Variants in GRIK2 observed in about 807,000 individuals in gnomAD.
The protein encoded by GRIK2 is glutamate ionotropic receptor kainate type subunit 2.
In GRIK2, 32 loss-of-function variants were observed where a neutral mutation model predicts 100.3. The observed-to-expected ratio is 0.32, with a 90% confidence interval of 0.24 to 0.43. The LOEUF is 0.43. Among genes scored for constraint, GRIK2 ranks in the 20% least tolerant of loss-of-function variants. GRIK2 has a pLI of 1.00. For missense variants in GRIK2, 843 were observed against 1,114.9 expected, an observed-to-expected ratio of 0.76 and a Z score of 3.47; for synonymous variants, 417 against 389.4, an observed-to-expected ratio of 1.07 and a Z score of -0.83.
chr6:101,765,059 G>C (rs549386873), intron 7 of GRIK2, among the ~76,000 whole-genome samples: 32 of 152,184 alleles, frequency 2.1e-4, no homozygotes, highest in African/African-American at 7.5e-4. Context: ...TCATTTCTGA[G>C]CTGTCACATC....
intron 2 of GRIK2, among the ~76,000 whole-genome samples, chr6:101,402,613 C>A (rs972655649): frequency 6.6e-6 from 1 of 152,158 alleles, no homozygotes; most frequent in African/African-American, 2.4e-5. Context: ...TGGTTGTCAC[C>A]CCGCCTTTGA....
In GRIK2 at chr6:101,640,489, G is replaced by A. The variant is rs9498656; in HGVS notation, c.541+13852G>A. ...CAAGTTCAAAGCATCCTAAAATACC[G>A]CCAAAATATCAAAGATTGCTAACCT... On this transcript the variant is annotated intron_variant, in intron 4 of 16. Transcript: ENST00000369134. Among the ~76,000 whole-genome samples the A allele has an allele frequency of 1.2e-3, 186 of 152,130 alleles. 1 individual carries two copies. The highest frequency in any genetic ancestry group is 3.9e-3 in the African/African-American group (160 of 41,524).
intron 2 of GRIK2, among the ~76,000 whole-genome samples, chr6:101,484,501 C>T (rs1390905975): frequency 6.6e-6 from 1 of 151,588 alleles, no homozygotes. Flanking sequence ...GATTCTTACA[C>T]TGTATTTTTA....
At chr6:102,053,754 AGAT>A (rs1466883862) in intron 15 of GRIK2, among the ~76,000 whole-genome samples, 8 of 152,198 alleles carry the variant, frequency 5.3e-5, no homozygotes, top group African/African-American at 1.9e-4. Context: ...ACAGACAGAC[AGAT>A]AATAGATAGC....
chr6:101,914,523 T>C (rs367651217), intron 12 of GRIK2, among the ~76,000 whole-genome samples: 4 of 151,628 alleles, frequency 2.6e-5, no homozygotes, highest in African/African-American at 9.6e-5. Flanking sequence ...TGGATGATAA[T>C]GACTATATTA....
At chr6:101,805,082 A>G (rs1780909472) in intron 9 of GRIK2, among the ~76,000 whole-genome samples, 1 of 151,968 alleles carries the variant, frequency 6.6e-6, no homozygotes, top group Admixed American at 6.6e-5. Context: ...AACAGCAGTT[A>G]TCTGCCTCAT....
chr6:101,747,602 T>C (rs1776498582), intron 7 of GRIK2, among the ~76,000 whole-genome samples: 1 of 152,194 alleles, frequency 6.6e-6, no homozygotes, highest in Non-Finnish European at 1.5e-5. Context: ...AATTAAGATA[T>C]ATGTACATCT....
At chr6:102,060,314 A>G (rs529766255) in intron 16 of GRIK2, among the ~76,000 whole-genome samples, 1 of 150,986 alleles carries the variant, frequency 6.6e-6, no homozygotes, top group African/African-American at 2.4e-5. Context: ...TTTGGAATAC[A>G]GCTATAAATC....
chr6:101,748,809 A>T (rs1776606192), intron 7 of GRIK2, among the ~76,000 whole-genome samples: 2 of 131,720 alleles, frequency 1.5e-5, no homozygotes, highest in Admixed American at 7.2e-5. Context: ...TACATGTTAC[A>T]TCATAAAACA....
chr6:101,656,407 A>G (rs929742626), intron 4 of GRIK2, among the ~76,000 whole-genome samples: 10 of 151,576 alleles, frequency 6.6e-5, no homozygotes, highest in African/African-American at 2.4e-4. Context: ...ATGTTCTAAA[A>G]ATATTTTGGA....
intron 10 of GRIK2, among the ~76,000 whole-genome samples, chr6:101,844,661 G>A (rs1035259801): frequency 1.3e-5 from 2 of 152,170 alleles, no homozygotes; most frequent in African/African-American, 4.8e-5. Flanking sequence ...TACACATAAT[G>A]TAAGAGTATG....
intron 10 of GRIK2, among the ~76,000 whole-genome samples, chr6:101,825,274 A>G (rs988861070): frequency 5.9e-5 from 9 of 152,090 alleles, no homozygotes; most frequent in Non-Finnish European, 8.8e-5. Flanking sequence ...TTTTTCTTCT[A>G]TTTCAGAGAT....
In GRIK2 at chr6:101,657,682, T is replaced by C. The variant is rs1769293012; in HGVS notation, c.542-18941T>C. 2.0e-5 allele frequency among the ~76,000 whole-genome samples: 3 copies of C among 152,196 alleles called. No homozygotes were observed. The South Asian group carries it at 6.2e-4, about 31-fold the overall frequency. Reference sequence around the variant, plus strand: ...TCCAGTCTTATGATCTTGATTATTATGAGTCTATTATGTTAGCAATGTGGC... The same window carrying C: ...TCCAGTCTTATGATCTTGATTATTACGAGTCTATTATGTTAGCAATGTGGC... On this transcript the variant is annotated intron_variant, in intron 4 of 16. Transcript: ENST00000369134.
intron 14 of GRIK2, among the ~76,000 whole-genome samples, chr6:102,001,185 ATTTTT>A (rs66913053): frequency 7.0e-6 from 1 of 142,650 alleles, no homozygotes; most frequent in African/African-American, 2.6e-5. Context: ...CTTCTTCTTT[ATTTTT>A]TTTTTTTTTT....
chr6:101,611,928 T>A (rs1268977972), intron 2 of GRIK2, among the ~76,000 whole-genome samples: 1 of 151,842 alleles, frequency 6.6e-6, no homozygotes, highest in Non-Finnish European at 1.5e-5. Flanking sequence ...ATAGTCATAG[T>A]TTATATGGAC....
chr6:101,730,466 T>C (rs1486223997), intron 7 of GRIK2, among the ~76,000 whole-genome samples: 1 of 151,968 alleles, frequency 6.6e-6, no homozygotes, highest in African/African-American at 2.4e-5. Context: ...ATTCCCTTTT[T>C]TCCCCACCAG....
At chr6:101,721,434 C>T (rs993811459) in intron 7 of GRIK2, among the ~76,000 whole-genome samples, 5 of 151,668 alleles carry the variant, frequency 3.3e-5, no homozygotes, top group African/African-American at 9.7e-5. Context: ...TGGTGTGTTC[C>T]TGTAGTCCCA....
chr6:101,611,446 T>C (rs1462084334), intron 2 of GRIK2, among the ~76,000 whole-genome samples: 1 of 151,816 alleles, frequency 6.6e-6, no homozygotes, highest in African/African-American at 2.4e-5. Context: ...ACTTCGAAAA[T>C]TCCAGGACAT....
At chr6:101,477,982 C>T (rs1772331868) in intron 2 of GRIK2, among the ~76,000 whole-genome samples, 1 of 152,068 alleles carries the variant, frequency 6.6e-6, no homozygotes, top group Admixed American at 6.6e-5. Context: ...CTGTCTGTGC[C>T]AGACACTACA....
Sources: gnomAD v4.1 joint callset for allele counts (sites outside exome capture counted in the v4.1 genomes callset) on GRCh38, gnomAD v4.1.1 for gene constraint, MANE v1.5 for transcripts, NCBI Gene and HGNC (gene_info 2026-07-23, HGNC 2026-07-21) for gene names.